Variants in IL15RA observed in about 807,000 individuals in gnomAD.
IL15RA encodes interleukin 15 receptor subunit alpha.
IL15RA carries 26 observed loss-of-function variants against 24.2 expected under a neutral mutation model. The observed-to-expected ratio is 1.07, with a 90% CI of 0.79 to 1.49. The LOEUF is 1.49. IL15RA is among the 40% of genes most tolerant of loss of function. The pLI, the probability that IL15RA is intolerant of heterozygous loss-of-function variation, is 0.00. For missense variants in IL15RA, 354 were observed against 356.4 expected (o/e 0.99, Z 0.05); for synonymous variants, 166 against 157.6 (o/e 1.05, Z -0.40).
chr10:5,960,415 T>C lies in IL15RA; in HGVS notation c.535A>G (p.Thr179Ala). Residue 179 changes from threonine to alanine, a missense_variant, in exon 4 of 7, where the codon ACA becomes GCA. Thr to Ala is a moderately conservative substitution (Grantham distance 58). Transcript: ENST00000379977. The surrounding 1 kb of genome is among the most constrained non-coding windows in gnomAD (Gnocchi z 5.1). ...GCTGTGAGTTCCCAGTTCTTGGCTG[T>C]TGTCTGAGAGGGGGTGCCGTGGGAG... ...ESSHGTPSQTTAKNWELTASA... is the reference protein window; with the variant it reads ...ESSHGTPSQTAAKNWELTASA... 3 of 1,614,000 alleles carry C rather than the reference T, an allele frequency of 1.9e-6. No homozygotes were observed. The highest frequency in any genetic ancestry group is 2.5e-6 in the Non-Finnish European group (3 of 1,179,966).
rs1216291470 is a variant in IL15RA, at chr10:5,963,078, G to C, written c.382+665C>G. On this transcript the variant is annotated intron_variant, in intron 3 of 6. Transcript: ENST00000379977. This position sits in a 1 kb window ranked among gnomAD's most constrained non-coding sequence, Gnocchi z 5.3. ...CTCTCCACAGGTCTCTCACATTTTT[G>C]CACATCTTGCAGACAGAGGAGCTGA... 5.9e-5 allele frequency among the ~76,000 whole-genome samples: 9 copies of C among 152,186 alleles called. No homozygotes were observed. In the East Asian group the frequency reaches 1.5e-3, roughly 26 times the overall value.
rs903741900 is a variant in IL15RA at position 5,953,877 on chromosome 10, T to A, written c.693-671A>T. The A allele has an allele frequency of 6.4e-6, 1 of 155,730 alleles. No homozygotes were observed. Among genetic ancestry groups the A allele is most frequent in the Non-Finnish European group, 1.4e-5 (1 of 70,140 alleles). 9.6% of individuals were successfully genotyped at this position (155,730 alleles called of 1,614,324 possible). A position where few individuals can be genotyped will look rare whatever the true frequency, so the allele number is the denominator to read the frequency against. On this transcript the variant is annotated intron_variant, in intron 6 of 6. Coordinates refer to ENST00000379977, the MANE Select transcript of IL15RA (RefSeq NM_002189.4). The surrounding 1 kb of genome is among the most constrained non-coding windows in gnomAD (Gnocchi z 5.3). ...CGTGGCTGGCCTGTCTGGAGCTGCCTGGGTGCTGATGCCCTGGGCATCTGG... is the reference window on the plus strand; with the variant it reads ...CGTGGCTGGCCTGTCTGGAGCTGCCAGGGTGCTGATGCCCTGGGCATCTGG...
downstream of IL15RA, chr10:5,949,464 G>C (rs1833722264): frequency 1.6e-5 from 7 of 448,418 alleles, no homozygotes; most frequent in South Asian, 1.1e-4. This position sits in a 1 kb window ranked among gnomAD's most constrained non-coding sequence, Gnocchi z 4.4. Context: ...CTGTGATTTG[G>C]GTCGGGCTGG....
intron 1 of IL15RA, chr10:5,976,991 C>T (rs1298770931): frequency 6.0e-6 from 1 of 165,460 alleles, no homozygotes; most frequent in Non-Finnish European, 1.3e-5. Flanking sequence ...CCGGACCCCT[C>T]CGAGGACCGC....
At chr10:5,949,698 C>A (rs1199346852), downstream of IL15RA, among the ~76,000 whole-genome samples, 2 of 152,086 alleles carry the variant, frequency 1.3e-5, no homozygotes, top group African/African-American at 4.8e-5. This position sits in a 1 kb window ranked among gnomAD's most constrained non-coding sequence, Gnocchi z 4.4. Flanking sequence ...AGTCACACCA[C>A]AAGATATATT....
chr10:5,967,622 C>T lies in IL15RA; in HGVS notation c.89-1283G>A, dbSNP rs560869757. On this transcript the variant is annotated intron_variant, in intron 1 of 6. Coordinates refer to ENST00000379977, the MANE Select transcript of IL15RA (RefSeq NM_002189.4). This position sits in a 1 kb window ranked among gnomAD's most constrained non-coding sequence, Gnocchi z 4.4. ...TCATTCATACATTTTGGAATGCTTT[C>T]CATTCCCAGGATATAGTGCATTGGA... is the stretch of plus-strand genomic sequence containing the variant. Among the ~76,000 whole-genome samples, 1 of 152,326 alleles carries T rather than the reference C, an allele frequency of 6.6e-6. No homozygotes were observed. Among genetic ancestry groups the T allele is most frequent in the African/African-American group, 2.4e-5 (1 of 41,566 alleles).
In IL15RA at chr10:5,977,018, G is replaced by T. The variant is rs1034376512; in HGVS notation, c.88+387C>A. The stretch of plus-strand genomic sequence containing the variant: ...GAGGACCGCGTGCTATGCAACACCC[G>T]CCCTGCAGTCCAGGCGCCTGGGAGA... On this transcript the variant is annotated intron_variant, in intron 1 of 6. Coordinates refer to ENST00000379977, the MANE Select transcript of IL15RA (RefSeq NM_002189.4). 41 of 175,834 alleles carry T rather than the reference G, an allele frequency of 2.3e-4. 1 individual carries two copies. Among genetic ancestry groups the T allele is most frequent in the Admixed American group, 2.3e-3 (36 of 15,914 alleles). 10.9% of individuals were successfully genotyped at this position (175,834 alleles called of 1,614,324 possible).
downstream of IL15RA, among the ~76,000 whole-genome samples, chr10:5,950,199 A>G (rs924286307): frequency 1.3e-5 from 2 of 152,114 alleles, no homozygotes; most frequent in African/African-American, 4.8e-5. The surrounding 1 kb of genome is among the most constrained non-coding windows in gnomAD (Gnocchi z 5.6). Context: ...AGGGAAGGAG[A>G]GAAGAGGAGG....
chr10:5,953,103 G>T lies in IL15RA; in HGVS notation c.796C>A (p.His266Asn), dbSNP rs750588618. Residue 266 changes from histidine (H) to asparagine (N), a missense_variant, in exon 7 of 7, where the codon CAC becomes AAC. Coordinates refer to ENST00000379977, the MANE Select transcript of IL15RA (RefSeq NM_002189.4). The surrounding 1 kb of genome is among the most constrained non-coding windows in gnomAD (Gnocchi z 5.3). ...GCTGGTTTCCCCGAGTTTCATAGGTGGTGAGAGCAGTTTTCCAAGTCTTCA... is the reference window on the plus strand; with the variant it reads ...GCTGGTTTCCCCGAGTTTCATAGGTTGTGAGAGCAGTTTTCCAAGTCTTCA... ...RDEDLENCSH[H>N]L The T allele has an allele frequency of 3.7e-6, 6 of 1,611,696 alleles. No homozygotes were observed. Among genetic ancestry groups the T allele is most frequent in the Non-Finnish European group, 5.1e-6 (6 of 1,177,794 alleles).
At position 5,973,094 on chromosome 10, in the gene IL15RA, G is replaced by A. The variant is rs8177772; in HGVS notation, c.88+4311C>T. 0.04 allele frequency among the ~76,000 whole-genome samples: 6,130 copies of A among 152,254 alleles called. 132 individuals carry two copies. The highest frequency in any genetic ancestry group is 0.058 in the Middle Eastern group (17 of 294). ...TCTCAGTTGCTTCTGGCCATCGCCC[G>A]CAATCTTTCAGACTGAAATGCTCTC... On this transcript the variant is annotated intron_variant, in intron 1 of 6. Coordinates refer to ENST00000379977, the MANE Select transcript of IL15RA (RefSeq NM_002189.4). The surrounding 1 kb of genome is among the most constrained non-coding windows in gnomAD (Gnocchi z 4.5).
At position 5,960,914 on chromosome 10, in the gene IL15RA, T is replaced by C. The variant is rs1440825924; in HGVS notation, c.383-347A>G. On this transcript the variant is annotated intron_variant, in intron 3 of 6. Coordinates refer to ENST00000379977, the MANE Select transcript of IL15RA (RefSeq NM_002189.4). This position sits in a 1 kb window ranked among gnomAD's most constrained non-coding sequence, Gnocchi z 5.1. Reference sequence around the variant, plus strand: ...CTGGGCAACACAGCAAGACCCTGTTTCTTTTCCTTCTTTTTTTGAGATGGA... The same window carrying C: ...CTGGGCAACACAGCAAGACCCTGTTCCTTTTCCTTCTTTTTTTGAGATGGA... Among the ~76,000 whole-genome samples the C allele has an allele frequency of 6.6e-6, 1 of 152,110 alleles. No homozygotes were observed. The highest frequency in any genetic ancestry group is 1.5e-5 in the Non-Finnish European group (1 of 68,028).
rs557714553 is a variant in IL15RA at position 5,964,303 on chromosome 10, T to C, written c.284-462A>G. Among the ~76,000 whole-genome samples the C allele has an allele frequency of 6.6e-6, 1 of 152,274 alleles. No individual in the cohort carries two copies. Among genetic ancestry groups the C allele is most frequent in the Admixed American group, 6.5e-5 (1 of 15,284 alleles). ...TCTCCTGAGTAGCTGGGACTACATG[T>C]ACGTGCCTCAATGCCCAGGTAATTT... On this transcript the variant is annotated intron_variant, in intron 2 of 6. Transcript: ENST00000379977. This position sits in a 1 kb window ranked among gnomAD's most constrained non-coding sequence, Gnocchi z 5.6.
Position 5,976,409 on chromosome 10 carries a change from A to G in IL15RA, c.88+996T>C, listed in dbSNP as rs192439456. 8.5e-4 allele frequency among the ~76,000 whole-genome samples: 129 copies of G among 152,322 alleles called. 2 individuals are homozygous for G. The highest frequency in any genetic ancestry group is 2.9e-3 in the African/African-American group (121 of 41,574). ...TATTCAGGGTCTCGCTTAAAAACAC[A>G]CACAGATCATGGCGTTACTAATTCC... On this transcript the variant is annotated intron_variant, in intron 1 of 6. Coordinates refer to ENST00000379977, the MANE Select transcript of IL15RA (RefSeq NM_002189.4).
chr10:5,962,259 T>G lies in IL15RA; in HGVS notation c.382+1484A>C, dbSNP rs1756227637. ...GAGGGAACCTTGTTTAGCTGCTTCT[T>G]CCTCCCTTAAGATGCAGGCCTCAGC... is the stretch of plus-strand genomic sequence containing the variant. On this transcript the variant is annotated intron_variant, in intron 3 of 6. Coordinates refer to ENST00000379977, the MANE Select transcript of IL15RA (RefSeq NM_002189.4). The surrounding 1 kb of genome is among the most constrained non-coding windows in gnomAD (Gnocchi z 5.2). Among the ~76,000 whole-genome samples the G allele has an allele frequency of 1.3e-5, 2 of 152,088 alleles. No individual in the cohort carries two copies. The highest frequency in any genetic ancestry group is 4.8e-5 in the African/African-American group (2 of 41,398).
chr10:5,954,789 C>T (rs907538030), intron 6 of IL15RA, among the ~76,000 whole-genome samples: 2 of 152,116 alleles, frequency 1.3e-5, no homozygotes, highest in African/African-American at 4.8e-5. Context: ...AATATAACTC[C>T]AAATTCAGCA....
At position 5,967,811 on chromosome 10, in the gene IL15RA, G is replaced by T. The variant is rs184258093; in HGVS notation, c.89-1472C>A. 9.9e-5 allele frequency among the ~76,000 whole-genome samples: 15 copies of T among 152,194 alleles called. No individual in the cohort carries two copies. In the East Asian group the frequency reaches 2.9e-3, roughly 29 times the overall value. On this transcript the variant is annotated intron_variant, in intron 1 of 6. Coordinates refer to ENST00000379977, the MANE Select transcript of IL15RA (RefSeq NM_002189.4). This position sits in a 1 kb window ranked among gnomAD's most constrained non-coding sequence, Gnocchi z 4.4. ...CGGTAGCTCACGCCTGTAATCCGAGGACTTTGGGAGGCTGAGGCAGGCGAA... is the reference window on the plus strand; with the variant it reads ...CGGTAGCTCACGCCTGTAATCCGAGTACTTTGGGAGGCTGAGGCAGGCGAA...
At position 5,959,771 on chromosome 10, in the gene IL15RA, C is replaced by A. The variant is rs779208076; in HGVS notation, c.599G>T (p.Gly200Val). 5.0e-6 allele frequency: 8 copies of A among 1,613,962 alleles called. No homozygotes were observed. The highest frequency in any genetic ancestry group is 6.8e-6 in the Non-Finnish European group (8 of 1,179,952). The change falls in exon 5 of 7, where the codon GGC becomes GTC. Residue 200 changes from glycine to valine, a missense_variant. Transcript: ENST00000379977. This position sits in a 1 kb window ranked among gnomAD's most constrained non-coding sequence, Gnocchi z 4.1. ...SHQPPGVYPQGHSDTTVAIST... is the reference protein window; with the variant it reads ...SHQPPGVYPQVHSDTTVAIST... ...ACACTTACCAGTGGTGTCGCTGTGG[C>A]CCTGTGGATACACACCTGCGGAAAA...
chr10:5,959,614 A>G lies in IL15RA; in HGVS notation c.616+140T>C. The stretch of plus-strand genomic sequence containing the variant: ...TAAATCAGCTATTACTTAACTTATT[A>G]TCTGATGGAGGCCTTCTGAGTGTGG... On this transcript the variant is annotated intron_variant, in intron 5 of 6. Transcript: ENST00000379977. This position sits in a 1 kb window ranked among gnomAD's most constrained non-coding sequence, Gnocchi z 4.1. The G allele has an allele frequency of 1.4e-6, 1 of 718,586 alleles. No individual in the cohort carries two copies. The highest frequency in any genetic ancestry group is 2.5e-6 in the Non-Finnish European group (1 of 404,266). 44.5% of individuals were successfully genotyped at this position (718,586 alleles called of 1,614,324 possible). A position where few individuals can be genotyped will look rare whatever the true frequency, so the allele number is the denominator to read the frequency against.
chr10:5,967,636 T>C lies in IL15RA; in HGVS notation c.89-1297A>G, dbSNP rs898004427. 6.6e-6 allele frequency among the ~76,000 whole-genome samples: 1 copy of C among 152,242 alleles called. No individual in the cohort carries two copies. The highest frequency in any genetic ancestry group is 1.5e-5 in the Non-Finnish European group (1 of 68,036). On this transcript the variant is annotated intron_variant, in intron 1 of 6. Transcript: ENST00000379977. The surrounding 1 kb of genome is among the most constrained non-coding windows in gnomAD (Gnocchi z 4.4). ...TGGAATGCTTTCCATTCCCAGGATA[T>C]AGTGCATTGGAGAGAGAGTGGATGA...
Sources: allele counts gnomAD v4.1 joint callset (sites outside exome capture counted in the v4.1 genomes callset), GRCh38; gene constraint gnomAD v4.1.1; non-coding constraint Gnocchi (gnomAD v3.1); transcripts MANE v1.5; gene names NCBI Gene and HGNC (gene_info 2026-07-23, HGNC 2026-07-21).